The following MYL4 variants were observed in gnomAD, a reference collection of about 807,000 sequenced individuals.
The protein encoded by MYL4 is myosin light chain 4.
A neutral mutation model predicts 21.6 loss-of-function variants in MYL4; 16 were observed. The observed-to-expected ratio is 0.74, with a 90% CI of 0.50 to 1.12. The LOEUF is 1.12. Among genes scored for constraint, MYL4 ranks in the 50% most tolerant of loss-of-function variants. The pLI is 0.00. For missense variants in MYL4, 249 were observed against 252.9 expected (o/e 0.98, Z 0.11); for synonymous variants, 82 against 95.7 (o/e 0.86, Z 0.83).
At chr17:47,226,350 C>T (rs1489614366), downstream of MYL4, among the ~76,000 whole-genome samples, 1 of 152,108 alleles carries the variant, frequency 6.6e-6, no homozygotes, top group Non-Finnish European at 1.5e-5. Flanking sequence ...GAAAAGGTGC[C>T]CCAAGGTTGG....
intron 1 of MYL4, among the ~76,000 whole-genome samples, chr17:47,201,309 G>A (rs1370961117): frequency 6.6e-6 from 1 of 152,046 alleles, no homozygotes; most frequent in Non-Finnish European, 1.5e-5. Context: ...GAGCCTTCAG[G>A]TGATTCATTG....
At chr17:47,217,632 G>A (rs1261179515) in intron 2 of MYL4, among the ~76,000 whole-genome samples, 1 of 152,108 alleles carries the variant, frequency 6.6e-6, no homozygotes, top group Non-Finnish European at 1.5e-5. Context: ...CATTGTTTAT[G>A]CATTTACTAT....
the MYL4 span, among the ~76,000 whole-genome samples, chr17:47,195,137 C>A: frequency 6.8e-6 from 1 of 147,864 alleles, no homozygotes. Context: ...TGGCTCACTG[C>A]AAACTCTGCC....
At chr17:47,205,971 A>G (rs187797419), upstream of MYL4, among the ~76,000 whole-genome samples, 69 of 152,226 alleles carry the variant, frequency 4.5e-4, no homozygotes, top group Non-Finnish European at 8.2e-4. Context: ...GGAAGCCTGA[A>G]TGCACCTCTA....
chr17:47,223,080 G>C (rs200546187), intron 6 of MYL4, 23 bp downstream of exon 6: 2 of 1,613,298 alleles, frequency 1.2e-6, no homozygotes, highest in Non-Finnish European at 8.5e-7. Context: ...TCTCCCTCCT[G>C]GTCCCTTCCG....
intron 2 of MYL4, among the ~76,000 whole-genome samples, chr17:47,218,751 T>TA (rs1040641837): frequency 2.0e-5 from 3 of 152,132 alleles, no homozygotes; most frequent in African/African-American, 7.2e-5. Context: ...CACACCACTG[T>TA]ACTCCAGCCT....
the MYL4 span, among the ~76,000 whole-genome samples, chr17:47,194,605 T>C: frequency 2.0e-5 from 3 of 152,158 alleles, no homozygotes. Context: ...TCCTGTATCT[T>C]ATCTACCTCC....
At chr17:47,225,350 G>T (rs1392108794), downstream of MYL4, among the ~76,000 whole-genome samples, 1 of 152,208 alleles carries the variant, frequency 6.6e-6, no homozygotes, top group East Asian at 1.9e-4. Context: ...ATACGGTTGA[G>T]CAGGGGTTCA....
chr17:47,208,195 C>T (rs1451865734), upstream of MYL4, among the ~76,000 whole-genome samples: 1 of 152,084 alleles, frequency 6.6e-6, no homozygotes, highest in Non-Finnish European at 1.5e-5. Flanking sequence ...CTAGTGGATC[C>T]CTTGAGCTCA....
upstream of MYL4, chr17:47,209,222 T>C (rs2064752851): frequency 2.8e-6 from 2 of 707,768 alleles, no homozygotes; most frequent in East Asian, 2.5e-5. Flanking sequence ...CAATACACAG[T>C]TGTCAGCTGT....
At chr17:47,190,710 A>G in the MYL4 span, among the ~76,000 whole-genome samples, 1 of 152,234 alleles carries the variant, frequency 6.6e-6, no homozygotes, top group Non-Finnish European at 1.5e-5. Flanking sequence ...TAGCGGGATT[A>G]TGCTGGATGA....
rs1248373468 is a variant in MYL4 at position 47,221,726 on chromosome 17, C to T, written c.358C>T (p.Leu120=). 1.2e-6 allele frequency: 2 copies of T among 1,614,148 alleles called. No individual in the cohort carries two copies. Among genetic ancestry groups the T allele is most frequent in the Non-Finnish European group, 1.7e-6 (2 of 1,179,990 alleles). ...GGACTTTGAGACGTTCTTGCCCATC[C>T]TGCAGCACATTTCCCGCAACAAGGA... ...MLDFETFLPI[L]QHISRNKEQG... Residue 120 remains leucine (L), a synonymous_variant, in exon 4 of 7, where the codon CTG becomes TTG. Coordinates refer to ENST00000393450, the MANE Select transcript of MYL4 (RefSeq NM_002476.2).
upstream of MYL4, among the ~76,000 whole-genome samples, chr17:47,204,295 C>A (rs558196364): frequency 1.3e-5 from 2 of 152,306 alleles, no homozygotes; most frequent in Admixed American, 6.5e-5. Context: ...CCACACACAC[C>A]AATTCAAAAC....
rs1366651594 is a variant in MYL4, at chr17:47,219,957, A to G, written c.217A>G (p.Ile73Val). Residue 73 changes from isoleucine to valine, a missense_variant, in exon 3 of 7, where the codon ATC becomes GTC. Ile to Val is a conservative substitution (Grantham distance 29). Coordinates refer to ENST00000393450, the MANE Select transcript of MYL4 (RefSeq NM_002476.2). ...CCGGACCCCGACTGGAGAGATGAAG[A>G]TCACCTACGGCCAGTGCGGGGATGT... ...FDRTPTGEMK[I>V]TYGQCGDVLR... The G allele has an allele frequency of 6.2e-7, 1 of 1,614,074 alleles. No individual in the cohort carries two copies. The highest frequency in any genetic ancestry group is 8.5e-7 in the Non-Finnish European group (1 of 1,180,044).
chr17:47,213,124 G>A (rs1482443168), intron 1 of MYL4, among the ~76,000 whole-genome samples: 1 of 152,120 alleles, frequency 6.6e-6, no homozygotes, highest in East Asian at 1.9e-4. Context: ...GATTGAAGGG[G>A]CAACAGTGAG....
At chr17:47,198,525 A>G (rs761217637), upstream of MYL4, among the ~76,000 whole-genome samples, 5 of 152,196 alleles carry the variant, frequency 3.3e-5, no homozygotes, top group African/African-American at 7.2e-5. Flanking sequence ...AGAGCAATGG[A>G]TTAAACACAG....
At chr17:47,212,231 AAAAAT>A (rs771847656) in intron 1 of MYL4, among the ~76,000 whole-genome samples, 2 of 152,338 alleles carry the variant, frequency 1.3e-5, no homozygotes, top group South Asian at 2.1e-4. Flanking sequence ...AATAAGAATA[AAAAAT>A]AAAATAAAAT....
intron 3 of MYL4, among the ~76,000 whole-genome samples, chr17:47,220,718 AG>A (rs2064849419): frequency 6.6e-6 from 1 of 152,218 alleles, no homozygotes. Flanking sequence ...TCATTACGGC[AG>A]ATGAGAAGAG....
intron 1 of MYL4, among the ~76,000 whole-genome samples, chr17:47,201,645 G>A (rs574378450): frequency 1.6e-4 from 25 of 151,916 alleles, no homozygotes; most frequent in Admixed American, 3.3e-4. Flanking sequence ...TAGTAGAGAC[G>A]AGGTTTCTCC....
Sources: allele counts gnomAD v4.1 joint callset (sites outside exome capture counted in the v4.1 genomes callset), GRCh38; gene constraint gnomAD v4.1.1; transcripts MANE v1.5; gene names NCBI Gene and HGNC (gene_info 2026-07-23, HGNC 2026-07-21).